Variants in ITFG1 observed in about 807,000 individuals in gnomAD.
ITFG1 encodes the protein T-cell immunomodulatory protein.
In ITFG1, 34 loss-of-function variants were observed where a neutral mutation model predicts 81.8. The ratio of observed to expected loss-of-function variants is 0.42; its 90% CI spans 0.32 to 0.55. The LOEUF (loss-of-function observed/expected upper bound fraction) is 0.55. Among genes scored for constraint, ITFG1 ranks in the 20% least tolerant of loss-of-function variants. ITFG1 has a pLI of 0.17. For missense variants in ITFG1, 672 were observed against 755.4 expected (o/e 0.89, Z 1.29); for synonymous variants, 285 against 270.6 (o/e 1.05, Z -0.52).
intron 13 of ITFG1, among the ~76,000 whole-genome samples, chr16:47,221,897 G>A (rs1193233466): frequency 1.3e-5 from 2 of 152,086 alleles, no homozygotes; most frequent in Non-Finnish European, 2.9e-5. Flanking sequence ...AATCTCTGAT[G>A]GTAGTTTGTA....
At chr16:47,448,688 A>G (rs1567504148) in intron 5 of ITFG1, 2 of 151,696 alleles carry the variant, frequency 1.3e-5, no homozygotes, top group East Asian at 3.9e-4. Flanking sequence ...TACAGGTACA[A>G]GTGTTTTCAC....
chr16:47,158,820 T>C (rs1964755515), intron 17 of ITFG1, 53 bp downstream of exon 17: 5 of 859,002 alleles, frequency 5.8e-6, no homozygotes, highest in Non-Finnish European at 9.5e-6. Context: ...GAGCAATGTA[T>C]GTATTACTAG....
chr16:47,281,042 T>C (rs961513730), intron 10 of ITFG1, among the ~76,000 whole-genome samples: 2 of 152,116 alleles, frequency 1.3e-5, no homozygotes, highest in Non-Finnish European at 2.9e-5. Flanking sequence ...GTTTGGTGAG[T>C]CTTACTAGCA....
rs796371351 is a variant in ITFG1, at chr16:47,279,434, C to CA, written c.1071-18740_1071-18739insT. Among the ~76,000 whole-genome samples, 123 of 152,210 alleles carry CA rather than the reference C, an allele frequency of 8.1e-4. 1 individual carries two copies. Among genetic ancestry groups the CA allele is most frequent in the African/African-American group, 2.8e-3 (116 of 41,556 alleles). ...AAGAGACTACACTTCTCTTAAACAC[C>CA]GTTAGCTGTACTAGTAAGCTGTACT... On this transcript the variant is annotated intron_variant, in intron 10 of 17. Coordinates refer to ENST00000320640, the MANE Select transcript of ITFG1 (RefSeq NM_030790.5).
intron 8 of ITFG1, among the ~76,000 whole-genome samples, chr16:47,328,993 A>G (rs932277200): frequency 2.6e-5 from 4 of 152,170 alleles, no homozygotes; most frequent in Non-Finnish European, 5.9e-5. Context: ...AATAAAGCCT[A>G]AGACCAAAAG....
intron 8 of ITFG1, among the ~76,000 whole-genome samples, chr16:47,338,578 T>A (rs1347109551): frequency 6.6e-6 from 1 of 151,494 alleles, no homozygotes; most frequent in Non-Finnish European, 1.5e-5. Flanking sequence ...TTATAGCCTA[T>A]TCAAAGAAAC....
intron 12 of ITFG1, among the ~76,000 whole-genome samples, chr16:47,240,887 GA>G (rs999395834): frequency 1.3e-5 from 2 of 151,814 alleles, no homozygotes; most frequent in Non-Finnish European, 2.9e-5. Context: ...AGGGGAAAGG[GA>G]AAAAAGGGAG....
chr16:47,294,587 T>C (rs1319241551), intron 10 of ITFG1, among the ~76,000 whole-genome samples: 1 of 152,158 alleles, frequency 6.6e-6, no homozygotes, highest in African/African-American at 2.4e-5. Context: ...TAGTGAAATA[T>C]ATTCCTAAGT....
At chr16:47,193,819 C>T (rs1466778570) in intron 14 of ITFG1, among the ~76,000 whole-genome samples, 17 of 152,032 alleles carry the variant, frequency 1.1e-4, no homozygotes, top group Non-Finnish European at 2.5e-4. Flanking sequence ...AAACTGTTCA[C>T]TAAACTGTAA....
intron 14 of ITFG1, among the ~76,000 whole-genome samples, chr16:47,173,186 C>T (rs554843773): frequency 6.6e-6 from 1 of 152,272 alleles, no homozygotes; most frequent in African/African-American, 2.4e-5. Flanking sequence ...GACCCTCTTG[C>T]CCAGCAATCC....
chr16:47,305,155 A>G (rs1014789495), intron 10 of ITFG1, among the ~76,000 whole-genome samples: 4 of 152,208 alleles, frequency 2.6e-5, no homozygotes, highest in Admixed American at 6.5e-5. Context: ...CTGGAAAGAC[A>G]AGTATATACA....
chr16:47,453,947 C>T, intron 3 of ITFG1, 66 bp downstream of exon 3: 1 of 1,021,160 alleles, frequency 9.8e-7, no homozygotes, highest in Admixed American at 2.7e-5. Context: ...GATTTCAGAA[C>T]AATATTTTGT....
chr16:47,320,236 G>A (rs983160486), intron 8 of ITFG1, among the ~76,000 whole-genome samples: 1 of 152,152 alleles, frequency 6.6e-6, no homozygotes. Flanking sequence ...AATGAATAAT[G>A]TTGTTGGTCT....
At chr16:47,458,532 G>A (rs562767293) in intron 2 of ITFG1, among the ~76,000 whole-genome samples, 4 of 152,252 alleles carry the variant, frequency 2.6e-5, no homozygotes, top group Admixed American at 2.0e-4. Flanking sequence ...ACTGTGTTGG[G>A]TCACTATCAT....
chr16:47,418,946 G>T (rs1968906685), intron 6 of ITFG1, among the ~76,000 whole-genome samples: 2 of 152,064 alleles, frequency 1.3e-5, no homozygotes, highest in South Asian at 4.1e-4. Context: ...TTGTTATTTT[G>T]ATAGAGATTA....
At chr16:47,354,212 C>G (rs1968007532) in intron 8 of ITFG1, among the ~76,000 whole-genome samples, 1 of 151,976 alleles carries the variant, frequency 6.6e-6, no homozygotes, top group South Asian at 2.1e-4. Flanking sequence ...GAAACATAGA[C>G]CAATAGAACA....
chr16:47,374,222 T>C (rs1365593653), intron 7 of ITFG1, among the ~76,000 whole-genome samples: 5 of 152,218 alleles, frequency 3.3e-5, no homozygotes, highest in African/African-American at 4.8e-5. Flanking sequence ...TTACCATCTT[T>C]AACAAGAGTT....
At chr16:47,352,292 G>T (rs937966719) in intron 8 of ITFG1, among the ~76,000 whole-genome samples, 7 of 151,940 alleles carry the variant, frequency 4.6e-5, no homozygotes, top group Admixed American at 1.3e-4. Flanking sequence ...TGGGAGAAAA[G>T]TTTTGCAATC....
intron 5 of ITFG1, among the ~76,000 whole-genome samples, chr16:47,444,969 C>G (rs781717524): frequency 6.6e-6 from 1 of 151,910 alleles, no homozygotes; most frequent in South Asian, 2.1e-4. Flanking sequence ...ACAATACTCA[C>G]GTAATGAAAT....
Sources: gnomAD v4.1 joint callset for allele counts (sites outside exome capture counted in the v4.1 genomes callset) on GRCh38, gnomAD v4.1.1 for gene constraint, MANE v1.5 for transcripts, NCBI Gene and HGNC (gene_info 2026-07-23, HGNC 2026-07-21) for gene names.